CCBE1: variants seen among roughly 807,000 people sequenced by gnomAD.
CCBE1 encodes collagen and calcium-binding EGF domain-containing protein 1.
A neutral mutation model predicts 50.0 loss-of-function variants in CCBE1; 37 were observed. That is an observed-to-expected ratio of 0.74 (90% CI 0.57 to 0.97). CCBE1 has a LOEUF of 0.97. Among genes scored for constraint, CCBE1 ranks in the 50% least tolerant of loss-of-function variants. CCBE1 has a pLI of 0.00. For synonymous variants in CCBE1, 234 were observed against 203.7 expected, an observed-to-expected ratio of 1.15 and a Z score of -1.27; for missense variants, 538 against 523.8, an observed-to-expected ratio of 1.03 and a Z score of -0.26.
At chr18:59,693,864 CTTTTTTT>C (rs11410421) in intron 2 of CCBE1, among the ~76,000 whole-genome samples, 9 of 70,732 alleles carry the variant, frequency 1.3e-4, no homozygotes, top group South Asian at 6.8e-4. Flanking sequence ...AAAGGAAAGC[CTTTTTTT>C]TTTTTTTTTT....
At chr18:59,534,369 C>G (rs1915165043) in intron 2 of CCBE1, among the ~76,000 whole-genome samples, 1 of 152,160 alleles carries the variant, frequency 6.6e-6, no homozygotes, top group African/African-American at 2.4e-5. Flanking sequence ...AAAACACATG[C>G]TGACTTTAAA....
chr18:59,459,848 C>T (rs563397570), intron 5 of CCBE1, among the ~76,000 whole-genome samples: 48 of 152,272 alleles, frequency 3.2e-4, no homozygotes, highest in African/African-American at 1.1e-3. Context: ...ACAGTATCAG[C>T]ATTTTTAAAA....
At chr18:59,526,127 A>T (rs1336804048) in intron 2 of CCBE1, among the ~76,000 whole-genome samples, 1 of 152,094 alleles carries the variant, frequency 6.6e-6, no homozygotes, top group Non-Finnish European at 1.5e-5. Context: ...GAAGAATGTC[A>T]ATGGTAGCTT....
chr18:59,495,713 T>C (rs1334121777), intron 2 of CCBE1, among the ~76,000 whole-genome samples: 1 of 151,900 alleles, frequency 6.6e-6, no homozygotes, highest in Non-Finnish European at 1.5e-5. Context: ...AAAAGGAAGA[T>C]GACCCTCTGA....
chr18:59,578,950 AT>A (rs1337789563), intron 2 of CCBE1, among the ~76,000 whole-genome samples: 1 of 152,226 alleles, frequency 6.6e-6, no homozygotes, highest in Non-Finnish European at 1.5e-5. Context: ...AGGTATAATA[AT>A]TTTTTAAAAA....
At chr18:59,638,564 A>G (rs1259367968) in intron 2 of CCBE1, among the ~76,000 whole-genome samples, 1 of 152,216 alleles carries the variant, frequency 6.6e-6, no homozygotes, top group Non-Finnish European at 1.5e-5. Context: ...ATTCTGATGC[A>G]CACTGAAGTT....
intron 2 of CCBE1, among the ~76,000 whole-genome samples, chr18:59,582,686 A>G (rs1396240599): frequency 6.6e-6 from 1 of 151,808 alleles, no homozygotes; most frequent in Admixed American, 6.6e-5. Context: ...TCCACACCCA[A>G]CCTCTTTCAG....
chr18:59,673,775 C>T (rs193047481), intron 2 of CCBE1, among the ~76,000 whole-genome samples: 1 of 152,346 alleles, frequency 6.6e-6, no homozygotes, highest in Admixed American at 6.5e-5. Context: ...ACCGGCCTTG[C>T]ATCCCAGGGA....
Position 59,431,672 on chromosome 18 carries a change from C to T in CCBE1, c.*4236G>A, listed in dbSNP as rs543665085. 2.0e-5 allele frequency: 3 copies of T among 152,352 alleles called. No homozygotes were observed. The highest frequency in any genetic ancestry group is 4.8e-5 in the African/African-American group (2 of 41,580). 9.4% of individuals were successfully genotyped at this position (152,352 alleles called of 1,614,324 possible). On this transcript the variant is annotated 3_prime_UTR_variant, in exon 11 of 11. Transcript: ENST00000439986. ...AGATGGCCAAAGCCAGGGTGCTCTT[C>T]GCTGGTATTTGGTGGGGTAATACTC...
At chr18:59,456,755 C>T (rs1049380415) in intron 5 of CCBE1, among the ~76,000 whole-genome samples, 4 of 152,158 alleles carry the variant, frequency 2.6e-5, no homozygotes, top group East Asian at 3.9e-4. Context: ...TTACACAGCC[C>T]GACTGCCCAG....
intron 2 of CCBE1, among the ~76,000 whole-genome samples, chr18:59,484,621 G>C (rs1454724756): frequency 1.3e-5 from 2 of 152,150 alleles, no homozygotes; most frequent in African/African-American, 4.8e-5. Flanking sequence ...AAAGGCTATG[G>C]AACTCCATCA....
chr18:59,570,839 G>A (rs982416841), intron 2 of CCBE1, among the ~76,000 whole-genome samples: 3 of 152,144 alleles, frequency 2.0e-5, no homozygotes, highest in East Asian at 1.9e-4. Flanking sequence ...AGAGCCGGAC[G>A]TCCCCTAGGC....
At chr18:59,550,436 C>T (rs140822405) in intron 2 of CCBE1, among the ~76,000 whole-genome samples, 105 of 152,238 alleles carry the variant, frequency 6.9e-4, no homozygotes, top group African/African-American at 2.2e-3. Flanking sequence ...TAACTGGTGG[C>T]GTCGCTGCTC....
At chr18:59,491,809 T>C (rs1913110156) in intron 2 of CCBE1, among the ~76,000 whole-genome samples, 2 of 67,490 alleles carry the variant, frequency 3.0e-5, no homozygotes, top group East Asian at 6.0e-4. Context: ...CGTGAGACTC[T>C]GTCTCCAAAC....
At chr18:59,659,890 T>A (rs970327921) in intron 2 of CCBE1, among the ~76,000 whole-genome samples, 6 of 151,900 alleles carry the variant, frequency 3.9e-5, no homozygotes, top group African/African-American at 1.2e-4. Context: ...AGCTCAGAGG[T>A]CCCCCCTCCC....
chr18:59,493,704 T>C (rs1913218520), intron 2 of CCBE1, among the ~76,000 whole-genome samples: 1 of 152,190 alleles, frequency 6.6e-6, no homozygotes, highest in Non-Finnish European at 1.5e-5. Context: ...GATTTACATT[T>C]GGTAAACGAG....
intron 2 of CCBE1, among the ~76,000 whole-genome samples, chr18:59,492,240 T>C (rs994846849): frequency 6.6e-6 from 1 of 152,056 alleles, no homozygotes; most frequent in African/African-American, 2.4e-5. Context: ...TATTGCCTTC[T>C]ATTTTTTTTT....
upstream of CCBE1, chr18:59,697,589 G>A (rs1423486681): frequency 2.1e-5 from 11 of 530,496 alleles, no homozygotes; most frequent in Middle Eastern, 4.9e-4. Flanking sequence ...GCGGTGTCCG[G>A]CTGGCGCGAG....
At chr18:59,598,745 G>T (rs1285872264) in intron 2 of CCBE1, among the ~76,000 whole-genome samples, 1 of 152,180 alleles carries the variant, frequency 6.6e-6, no homozygotes, top group Non-Finnish European at 1.5e-5. Flanking sequence ...CAAGTGAGCA[G>T]TTCTCAGATG....
Sources: gnomAD v4.1 joint callset for allele counts (sites outside exome capture counted in the v4.1 genomes callset) on GRCh38, gnomAD v4.1.1 for gene constraint, MANE v1.5 for transcripts, NCBI Gene and HGNC (gene_info 2026-07-23, HGNC 2026-07-21) for gene names.